The following SLC39A11 variants were observed in gnomAD, a reference collection of about 807,000 sequenced individuals.
The protein encoded by SLC39A11 is solute carrier family 39 member 11.
In SLC39A11, 33 loss-of-function variants were observed where a neutral mutation model predicts 36.1. The observed-to-expected ratio is 0.91, with a 90% CI of 0.69 to 1.22. The LOEUF is 1.22. Among genes scored for constraint, SLC39A11 ranks in the 50% most tolerant of loss-of-function variants. The pLI is 0.00. For synonymous variants in SLC39A11, 166 were observed against 170.3 expected (o/e 0.97, Z 0.20); for missense variants, 432 against 430.3 (o/e 1.00, Z -0.03).
At chr17:72,958,421 C>T (rs1011434568) in intron 4 of SLC39A11, among the ~76,000 whole-genome samples, 2 of 152,214 alleles carry the variant, frequency 1.3e-5, no homozygotes, top group African/African-American at 4.8e-5. Flanking sequence ...AGACAACCCA[C>T]AAAGTGGGAG....
At chr17:72,998,481 A>C (rs777422355) in intron 4 of SLC39A11, among the ~76,000 whole-genome samples, 34 of 152,010 alleles carry the variant, frequency 2.2e-4, no homozygotes, top group Non-Finnish European at 3.7e-4. Flanking sequence ...AGTAATTACC[A>C]CTCTGTAATT....
intron 5 of SLC39A11, among the ~76,000 whole-genome samples, chr17:72,902,360 G>A (rs187388612): frequency 7.2e-4 from 109 of 151,920 alleles, no homozygotes; most frequent in Admixed American, 3.1e-3. Flanking sequence ...GGAGTGATGC[G>A]GCTACAAGCC....
intron 7 of SLC39A11, among the ~76,000 whole-genome samples, chr17:72,680,190 C>T (rs1416014593): frequency 6.6e-6 from 1 of 151,830 alleles, no homozygotes; most frequent in Non-Finnish European, 1.5e-5. Context: ...CAATCTAGTT[C>T]CAGAACATTT....
intron 5 of SLC39A11, among the ~76,000 whole-genome samples, chr17:72,910,378 C>G (rs2082915080): frequency 6.6e-6 from 1 of 152,044 alleles, no homozygotes; most frequent in South Asian, 2.1e-4. Flanking sequence ...AATCCCAGCA[C>G]TTTGGGAGGC....
intron 6 of SLC39A11, among the ~76,000 whole-genome samples, chr17:72,780,037 G>A (rs1453702314): frequency 1.3e-5 from 2 of 152,166 alleles, no homozygotes; most frequent in Non-Finnish European, 2.9e-5. Flanking sequence ...AATTGTGTTG[G>A]TCAAGCATTG....
chr17:73,064,847 TG>T (rs2059951510), intron 3 of SLC39A11, among the ~76,000 whole-genome samples: 1 of 152,152 alleles, frequency 6.6e-6, no homozygotes, highest in Admixed American at 6.5e-5. Context: ...TCAGCTCCTC[TG>T]GTCTCCGTGC....
intron 7 of SLC39A11, among the ~76,000 whole-genome samples, chr17:72,730,673 T>C (rs2074178988): frequency 6.6e-6 from 1 of 152,184 alleles, no homozygotes; most frequent in African/African-American, 2.4e-5. Context: ...ATATTATTAT[T>C]TTTTGAGACA....
chr17:72,829,502 G>A (rs1487139337), intron 6 of SLC39A11, among the ~76,000 whole-genome samples: 3 of 152,122 alleles, frequency 2.0e-5, no homozygotes, highest in African/African-American at 2.4e-5. Context: ...ACAACTATGG[G>A]CCTTCCAGCT....
At chr17:72,801,247 G>A (rs1249011574) in intron 6 of SLC39A11, among the ~76,000 whole-genome samples, 2 of 152,338 alleles carry the variant, frequency 1.3e-5, no homozygotes, top group South Asian at 2.1e-4. Context: ...TTGAGACGGA[G>A]TCTCATTCTG....
At position 73,088,293 on chromosome 17, in the gene SLC39A11, C is replaced by CCA. The variant is rs780928823; in HGVS notation, c.108+363_108+364insTG. Among the ~76,000 whole-genome samples the CCA allele has an allele frequency of 2.9e-3, 188 of 65,824 alleles. 5 individuals carry two copies. Among genetic ancestry groups the CCA allele is most frequent in the South Asian group, 5.8e-3 (10 of 1,730 alleles). The allele number at this position is 65,824 out of a possible 152,430, so 43.2% of individuals were successfully genotyped here. A position where few individuals can be genotyped will look rare whatever the true frequency, so the allele number is the denominator to read the frequency against. ...TGGGCAACAGAGCAAGATTCTGTCT[C>CCA]AAAAAAAAAAAGAAAAAAGAAAAAA... On this transcript the variant is annotated intron_variant, in intron 2 of 9. Transcript: ENST00000255559.
chr17:73,055,661 G>A (rs927244347), intron 3 of SLC39A11, among the ~76,000 whole-genome samples: 1 of 151,936 alleles, frequency 6.6e-6, no homozygotes, highest in Non-Finnish European at 1.5e-5. Flanking sequence ...GGAGGGGAGC[G>A]GAGACCTCCC....
At chr17:72,740,281 G>A (rs1406123623) in intron 6 of SLC39A11, among the ~76,000 whole-genome samples, 2 of 151,906 alleles carry the variant, frequency 1.3e-5, no homozygotes, top group Non-Finnish European at 2.9e-5. Flanking sequence ...TAGCCAGGAT[G>A]GTCTTGATCT....
At chr17:73,073,808 C>T (rs368324632) in intron 3 of SLC39A11, 3 of 152,146 alleles carry the variant, frequency 2.0e-5, no homozygotes, top group Non-Finnish European at 4.4e-5. Flanking sequence ...GGGAGGTCAT[C>T]TCAGGGTCTT....
intron 4 of SLC39A11, among the ~76,000 whole-genome samples, chr17:72,983,158 T>G (rs1158928601): frequency 8.8e-6 from 1 of 114,284 alleles, no homozygotes; most frequent in Non-Finnish European, 1.8e-5. Flanking sequence ...TTGTTTTTGT[T>G]TTTTTTTTTG....
chr17:72,844,397 A>C (rs1296262406), intron 6 of SLC39A11, among the ~76,000 whole-genome samples: 1 of 152,214 alleles, frequency 6.6e-6, no homozygotes, highest in East Asian at 1.9e-4. Context: ...GACCAGGCGC[A>C]GTGGCTCACG....
chr17:72,879,807 A>C (rs965070805), intron 5 of SLC39A11, among the ~76,000 whole-genome samples: 1 of 152,244 alleles, frequency 6.6e-6, no homozygotes, highest in Non-Finnish European at 1.5e-5. Context: ...TTGCTTCAGG[A>C]ATTCAGAAAT....
chr17:73,065,750 C>G (rs9910179), intron 3 of SLC39A11, among the ~76,000 whole-genome samples: 20,382 of 152,176 alleles, frequency 0.13, 1,415 homozygotes, highest in Non-Finnish European at 0.15. Context: ...TACTTCTCTG[C>G]CGCTTACAAA....
chr17:72,987,973 C>T lies in SLC39A11; in HGVS notation c.307-40098G>A, dbSNP rs368569158. On this transcript the variant is annotated intron_variant, in intron 4 of 9. Coordinates refer to ENST00000255559, the MANE Select transcript of SLC39A11 (RefSeq NM_139177.4). ...ATCTATAAACCAGAAAAGAGAGCCA[C>T]GTAAAAGTCAGCTCTCTTTTTTATT... Among the ~76,000 whole-genome samples, 67 of 152,270 alleles carry T rather than the reference C, an allele frequency of 4.4e-4. 1 individual carries two copies. Among genetic ancestry groups the T allele is most frequent in the African/African-American group, 1.3e-3 (52 of 41,562 alleles).
intron 4 of SLC39A11, among the ~76,000 whole-genome samples, chr17:72,976,043 AC>A (rs1387891253): frequency 6.6e-6 from 1 of 151,138 alleles, no homozygotes; most frequent in Non-Finnish European, 1.5e-5. Flanking sequence ...GGTGGCGGGC[AC>A]CTGTAGTCCC....
Sources: gnomAD v4.1 joint callset for allele counts (sites outside exome capture counted in the v4.1 genomes callset) on GRCh38, gnomAD v4.1.1 for gene constraint, MANE v1.5 for transcripts, NCBI Gene and HGNC (gene_info 2026-07-23, HGNC 2026-07-21) for gene names.